Variants in PTPRK observed in about 807,000 individuals in gnomAD.
PTPRK encodes the protein receptor-type tyrosine-protein phosphatase kappa.
PTPRK carries 75 observed loss-of-function variants against 178.0 expected under a neutral mutation model. The ratio of observed to expected loss-of-function variants is 0.42; its 90% CI spans 0.35 to 0.51. The LOEUF (loss-of-function observed/expected upper bound fraction) is 0.51, where lower values mean the gene tolerates loss of function less well. Ranked by LOEUF, PTPRK falls within the 20% of genes least tolerant of loss-of-function variation. The pLI, the probability that PTPRK is intolerant of heterozygous loss-of-function variation, is 0.02. For synonymous variants in PTPRK, 637 were observed against 620.6 expected, an observed-to-expected ratio of 1.03 and a Z score of -0.39; for missense variants, 1,441 against 1,797.8, an observed-to-expected ratio of 0.80 and a Z score of 3.59.
chr6:128,105,130 C>A (rs888519858), intron 7 of PTPRK, among the ~76,000 whole-genome samples: 13 of 140,760 alleles, frequency 9.2e-5, no homozygotes, highest in African/African-American at 3.1e-4. Flanking sequence ...TCACTTATTT[C>A]TTTTTTTTTT....
At chr6:128,354,804 T>C (rs939291927) in intron 2 of PTPRK, among the ~76,000 whole-genome samples, 2 of 152,224 alleles carry the variant, frequency 1.3e-5, no homozygotes, top group Admixed American at 6.5e-5. Context: ...ACACAGCTAA[T>C]ACATGATGAA....
intron 6 of PTPRK, among the ~76,000 whole-genome samples, chr6:128,213,262 A>T (rs528516879): frequency 3.3e-5 from 5 of 152,120 alleles, no homozygotes; most frequent in South Asian, 2.1e-4. Context: ...CCTGAATTAC[A>T]AGTAGATAAT....
At chr6:128,040,838 A>C (rs1777043211) in intron 13 of PTPRK, among the ~76,000 whole-genome samples, 1 of 152,084 alleles carries the variant, frequency 6.6e-6, no homozygotes, top group Non-Finnish European at 1.5e-5. Flanking sequence ...TAACCTCTTT[A>C]CCAGTTAATA....
intron 3 of PTPRK, among the ~76,000 whole-genome samples, chr6:128,250,142 C>G (rs1380656151): frequency 6.6e-6 from 1 of 152,210 alleles, no homozygotes; most frequent in African/African-American, 2.4e-5. Flanking sequence ...AGGCCTTTAG[C>G]TACATGTAAC....
chr6:128,020,798 GT>G (rs1231256915), intron 13 of PTPRK, among the ~76,000 whole-genome samples: 1 of 152,132 alleles, frequency 6.6e-6, no homozygotes, highest in Non-Finnish European at 1.5e-5. Context: ...AAGACTAGCT[GT>G]TTTTTGGGAT....
At chr6:128,161,873 C>G (rs1392287795) in intron 7 of PTPRK, among the ~76,000 whole-genome samples, 1 of 151,498 alleles carries the variant, frequency 6.6e-6, no homozygotes, top group Non-Finnish European at 1.5e-5. Context: ...ATACTATGGA[C>G]AGCATCAGCA....
intron 7 of PTPRK, among the ~76,000 whole-genome samples, chr6:128,121,219 T>A (rs1487396232): frequency 6.6e-6 from 1 of 151,950 alleles, no homozygotes; most frequent in African/African-American, 2.4e-5. Flanking sequence ...CAGCTTAAAT[T>A]CAGAGATTTA....
At chr6:128,168,877 A>C (rs1799799746) in intron 7 of PTPRK, among the ~76,000 whole-genome samples, 1 of 152,240 alleles carries the variant, frequency 6.6e-6, no homozygotes, top group Admixed American at 6.5e-5. Context: ...AGAAATTGTG[A>C]CATATATCTA....
At chr6:128,189,278 T>A (rs1206714161) in intron 6 of PTPRK, among the ~76,000 whole-genome samples, 1 of 139,748 alleles carries the variant, frequency 7.2e-6, no homozygotes, top group East Asian at 2.2e-4. Context: ...TCTCATCTGT[T>A]ACCCAGGCTG....
At chr6:128,091,575 C>T (rs1002063334) in intron 7 of PTPRK, among the ~76,000 whole-genome samples, 1 of 152,058 alleles carries the variant, frequency 6.6e-6, no homozygotes, top group Non-Finnish European at 1.5e-5. Flanking sequence ...ATATCTTGTT[C>T]TAAAATTATA....
intron 12 of PTPRK, 98 bp downstream of exon 12, chr6:128,067,419 TTC>T: frequency 7.6e-7 from 1 of 1,318,698 alleles, no homozygotes; most frequent in Non-Finnish European, 1.0e-6. Flanking sequence ...AATTTTCTTT[TTC>T]TTTTTTTTTT....
chr6:128,267,008 T>G (rs1266200312), intron 3 of PTPRK, among the ~76,000 whole-genome samples: 1 of 152,160 alleles, frequency 6.6e-6, no homozygotes, highest in Non-Finnish European at 1.5e-5. Context: ...AACATTGTTA[T>G]TAATCTCATA....
At chr6:128,409,452 A>G in intron 1 of PTPRK, 1 of 290,590 alleles carries the variant, frequency 3.4e-6, no homozygotes, top group Non-Finnish European at 6.8e-6. Flanking sequence ...GAAGATGTAA[A>G]TATGTATATT....
chr6:128,515,087 TCATAA>T (rs1278053357), intron 1 of PTPRK, among the ~76,000 whole-genome samples: 1 of 152,196 alleles, frequency 6.6e-6, no homozygotes, highest in East Asian at 1.9e-4. Context: ...ATATCAAACA[TCATAA>T]CATTTTTTCA....
At position 127,995,460 on chromosome 6, in the gene PTPRK, A is replaced by T; in HGVS notation, c.2844+2T>A. On this transcript the variant is annotated splice_donor_variant, in intron 18 of 29. Transcript: ENST00000368226. LOFTEE classifies it high-confidence loss of function. ...GACATACTTAACTATAAAAATACTTACATCAATATAGTTGGCATTAATATA... is the reference window on the plus strand; with the variant it reads ...GACATACTTAACTATAAAAATACTTTCATCAATATAGTTGGCATTAATATA... 1.3e-6 allele frequency: 2 copies of T among 1,577,904 alleles called. No individual in the cohort carries two copies. The highest frequency in any genetic ancestry group is 1.7e-6 in the Non-Finnish European group (2 of 1,151,816).
At chr6:128,001,343 C>T (rs1248704276) in intron 15 of PTPRK, 2 of 532,050 alleles carry the variant, frequency 3.8e-6, no homozygotes, top group Non-Finnish European at 6.4e-6. Context: ...ATTATAAATA[C>T]AAAAATGATT....
intron 7 of PTPRK, among the ~76,000 whole-genome samples, chr6:128,129,898 C>T (rs534894115): frequency 2.4e-4 from 37 of 152,186 alleles, no homozygotes; most frequent in Middle Eastern, 3.4e-3. Flanking sequence ...GGAAAAAATG[C>T]CATCCAAGGA....
intron 1 of PTPRK, among the ~76,000 whole-genome samples, chr6:128,416,472 TC>T (rs1167734538): frequency 6.6e-6 from 1 of 150,416 alleles, no homozygotes; most frequent in Non-Finnish European, 1.5e-5. Context: ...AAACCCAGTC[TC>T]TACTAAAAAT....
At chr6:127,992,646 A>G (rs371584807) in intron 19 of PTPRK, 27 bp downstream of exon 19, 54 of 1,573,818 alleles carry the variant, frequency 3.4e-5, no homozygotes, top group African/African-American at 8.3e-5. Context: ...TGTTTTTTCT[A>G]TAACATTTAA....
Sources: gnomAD v4.1 joint callset for allele counts (sites outside exome capture counted in the v4.1 genomes callset) on GRCh38, gnomAD v4.1.1 for gene constraint, MANE v1.5 for transcripts, NCBI Gene and HGNC (gene_info 2026-07-23, HGNC 2026-07-21) for gene names.